GRM8: variants seen among roughly 807,000 people sequenced by gnomAD.
GRM8 encodes glutamate metabotropic receptor 8, also known as metabotropic glutamate receptor 8.
A neutral mutation model predicts 87.2 loss-of-function variants in GRM8; 47 were observed. That is an observed-to-expected ratio of 0.54 (90% CI 0.43 to 0.69). The LOEUF (loss-of-function observed/expected upper bound fraction) is 0.69. GRM8 is among the 30% of genes least tolerant of loss of function. The pLI, the probability that GRM8 is intolerant of heterozygous loss-of-function variation, is 0.00. For synonymous variants in GRM8, 396 were observed against 404.5 expected (o/e 0.98, Z 0.25); for missense variants, 1,019 against 1,139.2 (o/e 0.89, Z 1.52).
At chr7:126,620,476 G>A (rs1428534105) in intron 7 of GRM8, among the ~76,000 whole-genome samples, 1 of 151,970 alleles carries the variant, frequency 6.6e-6, no homozygotes, top group Non-Finnish European at 1.5e-5. Flanking sequence ...ACTCCAACAT[G>A]GTTTTGTAGG....
intron 7 of GRM8, among the ~76,000 whole-genome samples, chr7:126,636,511 T>C (rs1487052024): frequency 6.6e-6 from 1 of 152,136 alleles, no homozygotes; most frequent in Admixed American, 6.6e-5. Flanking sequence ...AGTCTGTACA[T>C]GTTCAATACA....
At chr7:126,603,647 G>A (rs1798048636) in intron 8 of GRM8, among the ~76,000 whole-genome samples, 1 of 151,964 alleles carries the variant, frequency 6.6e-6, no homozygotes, top group Non-Finnish European at 1.5e-5. Context: ...AAGGGCCCAG[G>A]GAATTGACTC....
rs563411502 is a variant in GRM8, at chr7:126,466,942, A to G, written c.2431-20570T>C. Among the ~76,000 whole-genome samples, 11 of 152,076 alleles carry G rather than the reference A, an allele frequency of 7.2e-5. No homozygotes were observed. In the South Asian group the frequency reaches 2.3e-3, roughly 32 times the overall value. On this transcript the variant is annotated intron_variant, in intron 9 of 10. Coordinates refer to ENST00000339582, the MANE Select transcript of GRM8 (RefSeq NM_000845.3). Reference sequence around the variant, plus strand: ...AAACTTAATCCTCAGGACATACTGCATTGGTTTTGAATTTCTGGGTAAATT... The same window carrying G: ...AAACTTAATCCTCAGGACATACTGCGTTGGTTTTGAATTTCTGGGTAAATT...
Position 126,560,921 on chromosome 7 carries a change from C to A in GRM8, c.1495-27034G>T, listed in dbSNP as rs1858951. Among the ~76,000 whole-genome samples, 1,162 of 152,188 alleles carry A rather than the reference C, an allele frequency of 7.6e-3. 14 individuals carry two copies. Among genetic ancestry groups the A allele is most frequent in the African/African-American group, 0.025 (1,056 of 41,526 alleles). Reference sequence around the variant, plus strand: ...ATAGCAGCCCATGAAATCATGTGAGCTTTTTCAATCCTCTCTTTAATTTGA... The same window carrying A: ...ATAGCAGCCCATGAAATCATGTGAGATTTTTCAATCCTCTCTTTAATTTGA... On this transcript the variant is annotated intron_variant, in intron 8 of 10. Coordinates refer to ENST00000339582, the MANE Select transcript of GRM8 (RefSeq NM_000845.3).
At chr7:126,608,717 G>A (rs1004171917) in intron 8 of GRM8, among the ~76,000 whole-genome samples, 16 of 151,278 alleles carry the variant, frequency 1.1e-4, no homozygotes, top group African/African-American at 3.9e-4. Flanking sequence ...ACCAGATATA[G>A]CCAGAAGGTC....
At chr7:126,847,824 A>G (rs1397647806) in intron 6 of GRM8, among the ~76,000 whole-genome samples, 1 of 152,184 alleles carries the variant, frequency 6.6e-6, no homozygotes, top group East Asian at 1.9e-4. Context: ...ACAAGTATCA[A>G]CTGTATGTTG....
intron 7 of GRM8, among the ~76,000 whole-genome samples, chr7:126,687,347 C>T (rs1433511257): frequency 6.6e-6 from 1 of 152,186 alleles, no homozygotes; most frequent in Non-Finnish European, 1.5e-5. Context: ...ATCACTTTAT[C>T]TCCACTTGAA....
chr7:127,098,887 C>T (rs2132998567), intron 3 of GRM8, among the ~76,000 whole-genome samples: 1 of 152,236 alleles, frequency 6.6e-6, no homozygotes, highest in South Asian at 2.1e-4. Flanking sequence ...CATTCATAAA[C>T]ATGATGACTG....
intron 6 of GRM8, among the ~76,000 whole-genome samples, chr7:126,895,735 G>A (rs899523813): frequency 5.9e-5 from 9 of 151,998 alleles, no homozygotes; most frequent in African/African-American, 9.7e-5. Context: ...TACAAGGCAA[G>A]GGGCCAGGGA....
At chr7:126,839,155 G>A (rs1796051142) in intron 6 of GRM8, among the ~76,000 whole-genome samples, 1 of 152,180 alleles carries the variant, frequency 6.6e-6, no homozygotes, top group Non-Finnish European at 1.5e-5. Flanking sequence ...AGGCACACAT[G>A]TAACACCCGC....
intron 7 of GRM8, among the ~76,000 whole-genome samples, chr7:126,677,405 T>C (rs1033176394): frequency 1.4e-5 from 2 of 148,056 alleles, no homozygotes; most frequent in Non-Finnish European, 3.0e-5. Context: ...TGCACGCATA[T>C]AGTTATCACA....
intron 8 of GRM8, among the ~76,000 whole-genome samples, chr7:126,572,436 GGCT>G (rs1794764357): frequency 6.6e-6 from 1 of 152,116 alleles, no homozygotes; most frequent in Non-Finnish European, 1.5e-5. Flanking sequence ...AACATCCGAT[GGCT>G]GCTCTGCACA....
At chr7:127,218,104 ACC>A (rs1454678591) in intron 2 of GRM8, among the ~76,000 whole-genome samples, 3 of 152,148 alleles carry the variant, frequency 2.0e-5, no homozygotes, top group African/African-American at 4.8e-5. Context: ...TTTCTTATTC[ACC>A]CTCAAGGAGA....
chr7:126,728,990 T>G (rs991376297), intron 7 of GRM8, among the ~76,000 whole-genome samples: 1 of 151,856 alleles, frequency 6.6e-6, no homozygotes, highest in Non-Finnish European at 1.5e-5. Context: ...AAAGGCTTTT[T>G]CTCTGACCAC....
chr7:126,817,297 A>G (rs1793885471), intron 6 of GRM8, among the ~76,000 whole-genome samples: 1 of 152,250 alleles, frequency 6.6e-6, no homozygotes, highest in East Asian at 1.9e-4. Flanking sequence ...CTTATATCTT[A>G]TAATTTCTTG....
intron 9 of GRM8, among the ~76,000 whole-genome samples, chr7:126,466,030 ATTAAT>A (rs1804462604): frequency 6.6e-6 from 1 of 151,960 alleles, no homozygotes; most frequent in African/African-American, 2.4e-5. Flanking sequence ...ATAAATGGAT[ATTAAT>A]TTAAGTGAAG....
At chr7:127,212,407 G>GTTGTTT (rs1563581982) in intron 2 of GRM8, among the ~76,000 whole-genome samples, 3 of 118,474 alleles carry the variant, frequency 2.5e-5, no homozygotes, top group African/African-American at 1.1e-4. Context: ...AGGACATGGT[G>GTTGTTT]TTATTTTTTT....
intron 6 of GRM8, among the ~76,000 whole-genome samples, chr7:126,888,006 C>T (rs1800660830): frequency 6.6e-6 from 1 of 152,138 alleles, no homozygotes; most frequent in Non-Finnish European, 1.5e-5. Flanking sequence ...CAAACTAACA[C>T]TCCTGCAAAA....
At chr7:127,061,736 T>C (rs1316588574) in intron 3 of GRM8, among the ~76,000 whole-genome samples, 1 of 152,196 alleles carries the variant, frequency 6.6e-6, no homozygotes, top group Non-Finnish European at 1.5e-5. Context: ...TTTATTAATG[T>C]CATCTCAGTG....
Sources: allele counts gnomAD v4.1 joint callset (sites outside exome capture counted in the v4.1 genomes callset), GRCh38; gene constraint gnomAD v4.1.1; transcripts MANE v1.5; gene names NCBI Gene and HGNC (gene_info 2026-07-23, HGNC 2026-07-21).